The following MPRIP variants were observed in gnomAD, a reference collection of about 807,000 sequenced individuals.
The protein encoded by MPRIP is myosin phosphatase Rho-interacting protein.
MPRIP carries 59 observed loss-of-function variants against 234.9 expected under a neutral mutation model. That is an observed-to-expected ratio of 0.25 (90% CI 0.20 to 0.31). MPRIP has a LOEUF of 0.31. MPRIP is among the 10% of genes least tolerant of loss of function. The probability of loss-of-function intolerance (pLI) is 1.00; values close to 1 mark genes in which losing one functional copy is unlikely to be tolerated. For synonymous variants in MPRIP, 1,144 were observed against 1,263.9 expected, an observed-to-expected ratio of 0.91 and a Z score of 2.01; for missense variants, 2,436 against 3,071.0, an observed-to-expected ratio of 0.79 and a Z score of 4.89.
Position 17,159,003 on chromosome 17 carries a change from G to A in MPRIP, c.2400+1G>A. ...GCTGACCTCTCTGCTCGAGAAGGAG[G>A]TAATAGCCTGGGACCAGATCCCCAC... On this transcript the variant is annotated splice_donor_variant, in intron 14 of 23. Coordinates refer to ENST00000651222, the MANE Select transcript of MPRIP (RefSeq NM_001364716.4). LOFTEE classifies it high-confidence loss of function. The A allele has an allele frequency of 6.2e-7, 1 of 1,609,282 alleles. No individual in the cohort carries two copies. Among genetic ancestry groups the A allele is most frequent in the Non-Finnish European group, 8.5e-7 (1 of 1,177,878 alleles).
intron 13 of MPRIP, among the ~76,000 whole-genome samples, chr17:17,155,585 G>A (rs976880452): frequency 9.2e-5 from 14 of 152,116 alleles, no homozygotes; most frequent in East Asian, 1.9e-4. Flanking sequence ...TTCTTCCTGC[G>A]GACTCCACAC....
At position 17,078,948 on chromosome 17, in the gene MPRIP, A is replaced by G. The variant is rs2089398823; in HGVS notation, c.267+872A>G. Among the ~76,000 whole-genome samples the G allele has an allele frequency of 2.0e-5, 3 of 152,162 alleles. No homozygotes were observed. The highest frequency in any genetic ancestry group is 1.3e-4 in the Admixed American group (2 of 15,274). On this transcript the variant is annotated intron_variant, in intron 3 of 23. Transcript: ENST00000651222. The surrounding 1 kb of genome is among the most constrained non-coding windows in gnomAD (Gnocchi z 4.3). The stretch of plus-strand genomic sequence containing the variant: ...CCTGGAAAGCCTAGTCTCACTATGT[A>G]AAATAGGCAGCCCCTGCCTATCCTA...
Position 17,147,340 on chromosome 17 carries a change from C to T in MPRIP, c.1582C>T (p.Leu528Phe). ...TTAGTGGAAGAAACACTGGTTTGTC[C>T]TCGCCGATCAAAGCCTGAGATACTA... ...DGQWKKHWFV[L>F]ADQSLRYYRD... is the part of the protein sequence containing the mutation. Residue 528 changes from leucine to phenylalanine, a missense_variant, in exon 11 of 24, where the codon CTC becomes TTC. Around this residue, in one of 4 missense-constraint regions of MPRIP, gnomAD observed 1,998 missense variants for 2,520.3 expected, o/e 0.79. Transcript: ENST00000651222. 6.2e-7 allele frequency: 1 copy of T among 1,614,108 alleles called. No homozygotes were observed.
rs1293049405 is a variant in MPRIP at position 17,165,706 on chromosome 17, C to T, written c.4115C>T (p.Ala1372Val). ...GAGCCTGCACCCAGTGTACTGCCTG[C>T]AACTGGCGACTCTGACACGTACCTC... Reference protein sequence around the residue: ...SSEPAPSVLPATGDSDTYLSI... With the variant: ...SSEPAPSVLPVTGDSDTYLSI... The change falls in exon 16 of 24, where the codon GCA becomes GTA. Residue 1372 changes from alanine (A) to valine (V), a missense_variant. Coordinates refer to ENST00000651222, the MANE Select transcript of MPRIP (RefSeq NM_001364716.4). 5.4e-6 allele frequency: 7 copies of T among 1,305,060 alleles called. No homozygotes were observed. The highest frequency in any genetic ancestry group is 7.1e-6 in the Non-Finnish European group (7 of 989,012). 80.8% of individuals were successfully genotyped at this position (1,305,060 alleles called of 1,614,324 possible). A position where few individuals can be genotyped will look rare whatever the true frequency, so the allele number is the denominator to read the frequency against.
intron 1 of MPRIP, among the ~76,000 whole-genome samples, chr17:17,059,997 G>C (rs555909190): frequency 6.4e-4 from 98 of 152,328 alleles, no homozygotes; most frequent in Non-Finnish European, 1.3e-3. Flanking sequence ...TATTGGCCCA[G>C]CTTTTCCTGG....
chr17:17,191,302 C>T lies in MPRIP; in HGVS notation c.*6408C>T, dbSNP rs2046581903. 1 of 152,174 alleles carries T rather than the reference C, an allele frequency of 6.6e-6. No homozygotes were observed. The highest frequency in any genetic ancestry group is 2.1e-4 in the South Asian group (1 of 4,828). 9.4% of individuals were successfully genotyped at this position (152,174 alleles called of 1,614,324 possible). A position where few individuals can be genotyped will look rare whatever the true frequency, so the allele number is the denominator to read the frequency against. ...TATCCTAGGGAGACTTGGTTGAAGGCACAGTTCTGGGATCAGGGTCTAAAT... is the reference window on the plus strand; with the variant it reads ...TATCCTAGGGAGACTTGGTTGAAGGTACAGTTCTGGGATCAGGGTCTAAAT... On this transcript the variant is annotated 3_prime_UTR_variant, in exon 24 of 24. Coordinates refer to ENST00000651222, the MANE Select transcript of MPRIP (RefSeq NM_001364716.4).
intron 3 of MPRIP, among the ~76,000 whole-genome samples, chr17:17,106,993 A>G (rs1231260162): frequency 6.6e-6 from 1 of 152,144 alleles, no homozygotes; most frequent in East Asian, 1.9e-4. Flanking sequence ...TAATTATTTT[A>G]TTGGGTGGGG....
intron 1 of MPRIP, among the ~76,000 whole-genome samples, chr17:17,071,375 C>T (rs1001574710): frequency 3.3e-5 from 5 of 152,118 alleles, no homozygotes; most frequent in Non-Finnish European, 7.4e-5. Context: ...TCTCCAGTAC[C>T]CACTCTGGGA....
intron 4 of MPRIP, among the ~76,000 whole-genome samples, chr17:17,127,998 G>A (rs904754989): frequency 3.9e-5 from 6 of 152,206 alleles, no homozygotes; most frequent in Non-Finnish European, 7.3e-5. Flanking sequence ...CTGGAGCCGA[G>A]CTGGAGGAGC....
At chr17:17,073,280 C>T (rs2089244727) in intron 1 of MPRIP, among the ~76,000 whole-genome samples, 1 of 152,138 alleles carries the variant, frequency 6.6e-6, no homozygotes, top group Admixed American at 6.5e-5. Context: ...TGTGGTGATC[C>T]ATATCAGGAA....
intron 1 of MPRIP, among the ~76,000 whole-genome samples, chr17:17,044,705 G>T (rs1451781172): frequency 6.6e-6 from 1 of 152,132 alleles, no homozygotes; most frequent in Non-Finnish European, 1.5e-5. Context: ...AGATAAACTA[G>T]GATGGAATCT....
At position 17,075,798 on chromosome 17, in the gene MPRIP, C is replaced by T; in HGVS notation, c.201+11C>T. The T allele has an allele frequency of 6.2e-7, 1 of 1,613,770 alleles. No individual in the cohort carries two copies. Among genetic ancestry groups the T allele is most frequent in the Non-Finnish European group, 8.5e-7 (1 of 1,179,720 alleles). The stretch of plus-strand genomic sequence containing the variant: ...GTGCACCGGTCTCGGGTAAGGGCAT[C>T]AGAGCCAACTCTCAGGGAGGAACCA... On this transcript the variant is annotated intron_variant, in intron 2 of 23. Coordinates refer to ENST00000651222, the MANE Select transcript of MPRIP (RefSeq NM_001364716.4).
intron 11 of MPRIP, among the ~76,000 whole-genome samples, chr17:17,149,223 G>C (rs2045543889): frequency 6.6e-6 from 1 of 152,200 alleles, no homozygotes; most frequent in South Asian, 2.1e-4. Context: ...TCCGGGGGCG[G>C]TGGCTCATGC....
intron 11 of MPRIP, 33 bp from the exon 12 acceptor site, chr17:17,150,111 A>G (rs2045567292): frequency 6.4e-7 from 1 of 1,567,212 alleles, no homozygotes; most frequent in African/African-American, 1.4e-5. Flanking sequence ...CTACTTCCTA[A>G]AAATCTCAAG....
Position 17,166,560 on chromosome 17 carries a change from G to A in MPRIP, c.4969G>A (p.Gly1657Ser). The change falls in exon 16 of 24, where the codon GGC (glycine) becomes AGC (serine). Residue 1657 changes from glycine to serine, a missense_variant. Transcript: ENST00000651222. The surrounding 1 kb of genome is among the most constrained non-coding windows in gnomAD (Gnocchi z 4.4). ...AGACGGGCAGCAAAGCATCCCACAG[G>A]GCCTGGCCCCCATCCTGGCCAATGC... Reference protein sequence around the residue: ...SGDGQQSIPQGLAPILANATW... With the variant: ...SGDGQQSIPQSLAPILANATW... The A allele has an allele frequency of 7.7e-7, 1 of 1,304,236 alleles. No individual in the cohort carries two copies. Among genetic ancestry groups the A allele is most frequent in the Non-Finnish European group, 1.0e-6 (1 of 988,982 alleles). The allele number at this position is 1,304,236 out of a possible 1,614,324, so 80.8% of individuals were successfully genotyped here.
intron 9 of MPRIP, among the ~76,000 whole-genome samples, chr17:17,145,366 G>A (rs540488433): frequency 6.6e-6 from 1 of 152,344 alleles, no homozygotes; most frequent in East Asian, 1.9e-4. Flanking sequence ...GTCTCTGTGG[G>A]GCCAGCCAGG....
At chr17:17,070,784 T>C (rs1218804972) in intron 1 of MPRIP, among the ~76,000 whole-genome samples, 1 of 152,260 alleles carries the variant, frequency 6.6e-6, no homozygotes, top group Non-Finnish European at 1.5e-5. Context: ...TTTGTGACCT[T>C]CCTGGTTCTT....
rs1165057952 is a variant in MPRIP at position 17,190,979 on chromosome 17, T to TA, written c.*6086dup. 1 of 152,206 alleles carries TA rather than the reference T, an allele frequency of 6.6e-6. No homozygotes were observed. Among genetic ancestry groups the TA allele is most frequent in the Non-Finnish European group, 1.5e-5 (1 of 68,038 alleles). 9.4% of individuals were successfully genotyped at this position (152,206 alleles called of 1,614,324 possible). A position where few individuals can be genotyped will look rare whatever the true frequency, so the allele number is the denominator to read the frequency against. On this transcript the variant is annotated 3_prime_UTR_variant, in exon 24 of 24. Transcript: ENST00000651222. The stretch of plus-strand genomic sequence containing the variant: ...TTTGTATGGGTTTTTAAAAAAATCT[T>TA]AGACACCCCTTTTTAAGATGGGGAG...
At chr17:17,149,948 A>G (rs1753968012) in intron 11 of MPRIP, 196 bp from the exon 12 acceptor site, 1 of 531,466 alleles carries the variant, frequency 1.9e-6, no homozygotes, top group South Asian at 2.1e-5. Flanking sequence ...GGCTGGATAC[A>G]GGGACAGATG....
Sources: gnomAD v4.1 joint callset for allele counts (sites outside exome capture counted in the v4.1 genomes callset) on GRCh38, gnomAD v4.1.1 for gene constraint, gnomAD v4.1.1 regional missense constraint, Gnocchi (gnomAD v3.1) non-coding constraint, MANE v1.5 for transcripts, NCBI Gene and HGNC (gene_info 2026-07-23, HGNC 2026-07-21) for gene names.